The following CTNND2 variants were observed in gnomAD, a reference collection of about 807,000 sequenced individuals.
The protein encoded by CTNND2 is catenin delta 2.
Under a neutral mutation model 144.4 loss-of-function variants are expected in CTNND2, and 22 were observed. That is an observed-to-expected ratio of 0.15 (90% CI 0.11 to 0.22). The LOEUF is 0.22. Among genes scored for constraint, CTNND2 ranks in the 10% least tolerant of loss-of-function variants. The pLI, the probability that CTNND2 is intolerant of heterozygous loss-of-function variation, is 1.00. For synonymous variants in CTNND2, 751 were observed against 695.6 expected (o/e 1.08, Z -1.25); for missense variants, 1,353 against 1,618.8 (o/e 0.84, Z 2.82).
At chr5:11,073,942 G>T (rs1748628695) in intron 16 of CTNND2, among the ~76,000 whole-genome samples, 2 of 152,222 alleles carry the variant, frequency 1.3e-5, no homozygotes. Flanking sequence ...ACATCTGTCT[G>T]GGTCTGAAGA....
At chr5:11,790,676 C>T (rs1227445172) in intron 1 of CTNND2, among the ~76,000 whole-genome samples, 2 of 152,184 alleles carry the variant, frequency 1.3e-5, no homozygotes, top group Admixed American at 6.5e-5. Context: ...AGAGTTTACA[C>T]AGTAAATCTA....
At chr5:11,581,011 A>T (rs1024823538) in intron 2 of CTNND2, among the ~76,000 whole-genome samples, 10 of 152,166 alleles carry the variant, frequency 6.6e-5, no homozygotes, top group Admixed American at 2.0e-4. Flanking sequence ...TTTATATATG[A>T]TTTCACATAT....
chr5:11,594,073 A>C (rs1254936593), intron 2 of CTNND2, among the ~76,000 whole-genome samples: 2 of 152,208 alleles, frequency 1.3e-5, no homozygotes, highest in Non-Finnish European at 2.9e-5. Context: ...ATAATGCCAC[A>C]AACTAAAAAA....
chr5:11,012,228 A>T (rs1741171369), intron 18 of CTNND2, among the ~76,000 whole-genome samples: 1 of 152,124 alleles, frequency 6.6e-6, no homozygotes, highest in South Asian at 2.1e-4. Flanking sequence ...TGGATGGGAA[A>T]ACCAAGGGAG....
At chr5:11,876,132 T>C (rs999649590) in intron 1 of CTNND2, among the ~76,000 whole-genome samples, 3 of 152,042 alleles carry the variant, frequency 2.0e-5, no homozygotes, top group Non-Finnish European at 4.4e-5. Flanking sequence ...TCCCTATCCA[T>C]GGTCCCTTAG....
chr5:11,567,185 T>C (rs1303808462), intron 2 of CTNND2, among the ~76,000 whole-genome samples: 2 of 152,012 alleles, frequency 1.3e-5, no homozygotes, highest in Non-Finnish European at 2.9e-5. Flanking sequence ...TGAGATGGAG[T>C]CTCGCTCTGT....
At position 11,676,549 on chromosome 5, in the gene CTNND2, T is replaced by C. The variant is rs1046814327; in HGVS notation, c.174+55587A>G. Among the ~76,000 whole-genome samples the C allele has an allele frequency of 2.5e-4, 38 of 150,508 alleles. 1 individual carries two copies. Among genetic ancestry groups the C allele is most frequent in the Admixed American group, 1.7e-3 (26 of 15,068 alleles). On this transcript the variant is annotated intron_variant, in intron 2 of 21. Coordinates refer to ENST00000304623, the MANE Select transcript of CTNND2 (RefSeq NM_001332.4). ...AGTTTAAGAACAGCACTTAGCATAC[T>C]AAACTGTCCAAATAGTCCTTGAATG...
chr5:11,119,019 T>C lies in CTNND2; in HGVS notation c.2160-1452A>G, dbSNP rs191240499. Among the ~76,000 whole-genome samples the C allele has an allele frequency of 8.5e-5, 13 of 152,218 alleles. No individual in the cohort carries two copies. The East Asian group carries it at 1.5e-3, about 18-fold the overall frequency. On this transcript the variant is annotated intron_variant, in intron 12 of 21. Coordinates refer to ENST00000304623, the MANE Select transcript of CTNND2 (RefSeq NM_001332.4). ...CCTTTACTGATCACCATTGATTTTGTATTGGAATTATTTGGCTGTGACCTC... is the reference window on the plus strand; with the variant it reads ...CCTTTACTGATCACCATTGATTTTGCATTGGAATTATTTGGCTGTGACCTC...
chr5:11,401,905 T>C (rs1436248271), intron 5 of CTNND2, among the ~76,000 whole-genome samples: 1 of 152,244 alleles, frequency 6.6e-6, no homozygotes, highest in Non-Finnish European at 1.5e-5. Context: ...GGAAAAATTT[T>C]AACTGCTATA....
At chr5:11,795,901 C>A (rs1361813369) in intron 1 of CTNND2, among the ~76,000 whole-genome samples, 2 of 152,198 alleles carry the variant, frequency 1.3e-5, no homozygotes, top group African/African-American at 4.8e-5. Context: ...CAGGCCTCAG[C>A]AGGCCATATC....
At chr5:11,295,082 C>T (rs1748765486) in intron 9 of CTNND2, among the ~76,000 whole-genome samples, 1 of 152,102 alleles carries the variant, frequency 6.6e-6, no homozygotes, top group South Asian at 2.1e-4. Flanking sequence ...TCTAGAAAAC[C>T]CCACTGTCTC....
chr5:11,324,666 T>A (rs1752355126), intron 9 of CTNND2, among the ~76,000 whole-genome samples: 1 of 152,190 alleles, frequency 6.6e-6, no homozygotes, highest in Admixed American at 6.5e-5. Context: ...GAATTCTGGC[T>A]TTCTGGAAAA....
intron 9 of CTNND2, among the ~76,000 whole-genome samples, chr5:11,320,696 C>CA (rs1204696385): frequency 2.0e-5 from 3 of 152,138 alleles, no homozygotes; most frequent in African/African-American, 7.2e-5. Context: ...CATCAGATCC[C>CA]ATTCACTATC....
chr5:11,735,588 C>T (rs549349785), intron 1 of CTNND2, among the ~76,000 whole-genome samples: 74 of 152,282 alleles, frequency 4.9e-4, no homozygotes, highest in African/African-American at 1.7e-3. Flanking sequence ...CCATAATCCC[C>T]ACGTGTAGTG....
chr5:11,167,713 T>TC (rs1223024234), intron 11 of CTNND2, among the ~76,000 whole-genome samples: 1 of 150,602 alleles, frequency 6.6e-6, no homozygotes, highest in Non-Finnish European at 1.5e-5. Flanking sequence ...TTTTTTTTTT[T>TC]CAGACAGAGT....
chr5:11,744,297 C>A (rs1486923037), intron 1 of CTNND2, among the ~76,000 whole-genome samples: 9 of 152,200 alleles, frequency 5.9e-5, no homozygotes, highest in Admixed American at 5.9e-4. Context: ...AGCTCTGCCC[C>A]AGGCAAGCTT....
rs547212012 is a variant in CTNND2 at position 11,021,885 on chromosome 5, T to C, written c.2999+884A>G. ...TCTTGATAACAAAATGTTTACCCTT[T>C]TAATCTTATTTAATTACATCGAGGG... On this transcript the variant is annotated intron_variant, in intron 17 of 21. Coordinates refer to ENST00000304623, the MANE Select transcript of CTNND2 (RefSeq NM_001332.4). Among the ~76,000 whole-genome samples the C allele has an allele frequency of 3.9e-5, 6 of 152,308 alleles. No individual in the cohort carries two copies. In the East Asian group the frequency reaches 1.2e-3, roughly 29 times the overall value.
intron 5 of CTNND2, among the ~76,000 whole-genome samples, chr5:11,409,034 T>A (rs996129739): frequency 2.6e-5 from 4 of 152,084 alleles, no homozygotes; most frequent in Non-Finnish European, 4.4e-5. Context: ...ACAACATTCT[T>A]TATTTTGTTT....
At chr5:11,773,172 T>C (rs6554637) in intron 1 of CTNND2, among the ~76,000 whole-genome samples, 145,575 of 152,254 alleles carry the variant, frequency 0.96, 69,917 homozygotes, top group South Asian at 1. Context: ...TAGGAAGTGA[T>C]GGGAAACAAT....
Sources: gnomAD v4.1 joint callset for allele counts (sites outside exome capture counted in the v4.1 genomes callset) on GRCh38, gnomAD v4.1.1 for gene constraint, MANE v1.5 for transcripts, NCBI Gene and HGNC (gene_info 2026-07-23, HGNC 2026-07-21) for gene names.